ZC3H3: variants seen among roughly 807,000 people sequenced by gnomAD.
ZC3H3 encodes zinc finger CCCH domain-containing protein 3.
In ZC3H3, 36 loss-of-function variants were observed where a neutral mutation model predicts 77.3. The ratio of observed to expected loss-of-function variants is 0.47; its 90% CI spans 0.36 to 0.61. The LOEUF is 0.61. Among genes scored for constraint, ZC3H3 ranks in the 20% least tolerant of loss-of-function variants. The probability of loss-of-function intolerance (pLI) is 0.00; values close to 1 mark genes in which losing one functional copy is unlikely to be tolerated. For synonymous variants in ZC3H3, 626 were observed against 555.2 expected, an observed-to-expected ratio of 1.13 and a Z score of -1.79; for missense variants, 1,331 against 1,312.2, an observed-to-expected ratio of 1.01 and a Z score of -0.22.
chr8:143,472,549 C>A (rs1440983480), intron 5 of ZC3H3, among the ~76,000 whole-genome samples: 1 of 152,336 alleles, frequency 6.6e-6, no homozygotes, highest in East Asian at 1.9e-4. Context: ...AAAGCTCAGA[C>A]CCTGGGCCAT....
chr8:143,517,680 G>A (rs996487602), intron 3 of ZC3H3, among the ~76,000 whole-genome samples: 14 of 152,196 alleles, frequency 9.2e-5, no homozygotes, highest in Middle Eastern at 3.2e-3. Flanking sequence ...CCAGGCCTGC[G>A]GCTCACCTGC....
chr8:143,499,945 G>A (rs1030293186), intron 4 of ZC3H3, among the ~76,000 whole-genome samples: 3 of 152,186 alleles, frequency 2.0e-5, no homozygotes, highest in African/African-American at 7.2e-5. Context: ...GCTCCTCACC[G>A]GGGGCTGGCC....
intron 8 of ZC3H3, 124 bp downstream of exon 8, chr8:143,468,085 G>A (rs1031970422): frequency 2.2e-5 from 27 of 1,209,962 alleles, no homozygotes; most frequent in South Asian, 4.3e-5. Context: ...CTCTAAGGAC[G>A]CCAGGGCAGG....
intron 3 of ZC3H3, chr8:143,523,266 C>A: frequency 1.0e-6 from 1 of 971,658 alleles, no homozygotes; most frequent in Non-Finnish European, 1.2e-6. Context: ...AGGCTTGCTC[C>A]ACGTCCCCAG....
chr8:143,461,272 C>T (rs1563839978), intron 9 of ZC3H3, among the ~76,000 whole-genome samples: 1 of 152,170 alleles, frequency 6.6e-6, no homozygotes, highest in African/African-American at 2.4e-5. Context: ...GCATCCAGGC[C>T]ATCAGGGAAA....
At chr8:143,522,925 A>AT (rs142756358) in intron 3 of ZC3H3, among the ~76,000 whole-genome samples, 24,088 of 151,680 alleles carry the variant, frequency 0.16, 2,192 homozygotes, top group Middle Eastern at 0.26. Context: ...GTCTCAAAAA[A>AT]ATATATATAT....
intron 1 of ZC3H3, among the ~76,000 whole-genome samples, chr8:143,540,483 G>A (rs1486512951): frequency 6.6e-6 from 1 of 152,184 alleles, no homozygotes; most frequent in East Asian, 1.9e-4. Flanking sequence ...TCCTGCCATA[G>A]CCTCCCAAAG....
At chr8:143,537,785 T>G (rs1398992518) in intron 2 of ZC3H3, among the ~76,000 whole-genome samples, 2 of 152,034 alleles carry the variant, frequency 1.3e-5, no homozygotes, top group African/African-American at 4.8e-5. Context: ...TTGCCAGCAG[T>G]GTGAGGGACG....
chr8:143,485,890 G>C (rs771693660), intron 4 of ZC3H3, among the ~76,000 whole-genome samples: 15 of 152,244 alleles, frequency 9.9e-5, no homozygotes, highest in Non-Finnish European at 2.2e-4. Context: ...GGATGGGCGT[G>C]AGGCCCCACA....
At chr8:143,474,918 G>T (rs142183283) in intron 5 of ZC3H3, among the ~76,000 whole-genome samples, 11 of 152,356 alleles carry the variant, frequency 7.2e-5, no homozygotes, top group African/African-American at 2.6e-4. Flanking sequence ...TACGGGCGCC[G>T]CGGCCCCAGG....
chr8:143,446,554 G>A (rs539728368), intron 9 of ZC3H3, among the ~76,000 whole-genome samples: 16 of 152,318 alleles, frequency 1.1e-4, no homozygotes, highest in East Asian at 7.7e-4. Flanking sequence ...TTCCAGAAGC[G>A]AAGACACAAA....
At position 143,439,865 on chromosome 8, in the gene ZC3H3, CAT is replaced by C. The variant is rs1563829377; in HGVS notation, c.2815+174_2815+175del. Among the ~76,000 whole-genome samples the C allele has an allele frequency of 9.0e-4, 104 of 115,870 alleles. 3 individuals carry two copies. The highest frequency in any genetic ancestry group is 1.3e-3 in the African/African-American group (42 of 33,320). 76.0% of individuals were successfully genotyped at this position (115,870 alleles called of 152,430 possible). On this transcript the variant is annotated intron_variant, in intron 11 of 11. Transcript: ENST00000262577. ...GGGGCCCTGGGGGCCTGAGCCAGGC[CAT>C]GCTGCCTACCTGAGTCCTTGGTGAG... is the stretch of plus-strand genomic sequence containing the variant.
At chr8:143,445,201 G>A (rs1819835244) in intron 9 of ZC3H3, among the ~76,000 whole-genome samples, 1 of 152,022 alleles carries the variant, frequency 6.6e-6, no homozygotes, top group African/African-American at 2.4e-5. Flanking sequence ...GACCAAAATG[G>A]AGAAACCCTG....
chr8:143,468,094 G>A (rs1212853788), intron 8 of ZC3H3, 115 bp downstream of exon 8: 1 of 1,285,704 alleles, frequency 7.8e-7, no homozygotes, highest in Non-Finnish European at 1.1e-6. Context: ...CGCCAGGGCA[G>A]GGATCTGCAT....
rs1240527406 is a variant in ZC3H3 at position 143,539,093 on chromosome 8, C to A, written c.274G>T (p.Val92Leu). Reference sequence around the variant, plus strand: ...CCCCGGGCCCCGTGCAACGGCCGCACAGCATGGTCGGCAGGAGGGTCTGAG... The same window carrying A: ...CCCCGGGCCCCGTGCAACGGCCGCAAAGCATGGTCGGCAGGAGGGTCTGAG... Reference protein sequence around the residue: ...GPSDPPADHAVRPLHGARGGQ... With the variant: ...GPSDPPADHALRPLHGARGGQ... Residue 92 changes from valine (V) to leucine (L), a missense_variant, in exon 2 of 12, where the codon GTG (valine) becomes TTG (leucine). By Grantham distance (32) the Val-to-Leu change is conservative (BLOSUM62 1). Around this residue, in one of 3 missense-constraint regions of ZC3H3, gnomAD observed 978 missense variants for 915.5 expected, o/e 1.07. Coordinates refer to ENST00000262577, the MANE Select transcript of ZC3H3 (RefSeq NM_015117.3). The A allele has an allele frequency of 6.2e-7, 1 of 1,612,952 alleles. No individual in the cohort carries two copies. The highest frequency in any genetic ancestry group is 1.3e-5 in the African/African-American group (1 of 75,058).
rs1822689096 is a variant in ZC3H3 at position 143,533,515 on chromosome 8, C to T, written c.1561+2742G>A. Among the ~76,000 whole-genome samples the T allele has an allele frequency of 1.3e-5, 2 of 152,104 alleles. No homozygotes were observed. Among genetic ancestry groups the T allele is most frequent in the Admixed American group, 1.3e-4 (2 of 15,268 alleles). On this transcript the variant is annotated intron_variant, in intron 3 of 11. Coordinates refer to ENST00000262577, the MANE Select transcript of ZC3H3 (RefSeq NM_015117.3). The surrounding 1 kb of genome is among the most constrained non-coding windows in gnomAD (Gnocchi z 4.0). ...CACTGGAAGGCGGCTCCAGCCTCAT[C>T]ATCTCTTCACCTTCACTGCAGTATC...
chr8:143,508,718 C>G (rs889906744), intron 3 of ZC3H3, among the ~76,000 whole-genome samples: 10 of 151,980 alleles, frequency 6.6e-5, no homozygotes, highest in African/African-American at 2.2e-4. Context: ...TGCAAGAGGC[C>G]CCCGCCCCCC....
chr8:143,448,156 A>G (rs1333934612), intron 9 of ZC3H3, among the ~76,000 whole-genome samples: 1 of 151,974 alleles, frequency 6.6e-6, no homozygotes, highest in Non-Finnish European at 1.5e-5. Flanking sequence ...CAAACAAAAA[A>G]TTAGCCAGGC....
intron 3 of ZC3H3, among the ~76,000 whole-genome samples, chr8:143,510,298 T>A (rs567305913): frequency 2.0e-3 from 305 of 152,156 alleles, no homozygotes; most frequent in African/African-American, 6.2e-3. Context: ...AGTGACAAGG[T>A]GGCAGCTAGT....
Sources: gnomAD v4.1 joint callset for allele counts (sites outside exome capture counted in the v4.1 genomes callset) on GRCh38, gnomAD v4.1.1 for gene constraint, gnomAD v4.1.1 regional missense constraint, Gnocchi (gnomAD v3.1) non-coding constraint, MANE v1.5 for transcripts, NCBI Gene and HGNC (gene_info 2026-07-23, HGNC 2026-07-21) for gene names.